Variants in CADM2 observed in about 807,000 individuals in gnomAD.
CADM2 encodes the protein cell adhesion molecule 2, also known as immunoglobulin superfamily member 4D.
A neutral mutation model predicts 49.8 loss-of-function variants in CADM2; 12 were observed. The ratio of observed to expected loss-of-function variants is 0.24; its 90% CI spans 0.15 to 0.39. CADM2 has a LOEUF of 0.39. Among genes scored for constraint, CADM2 ranks in the 10% least tolerant of loss-of-function variants. The pLI, the probability that CADM2 is intolerant of heterozygous loss-of-function variation, is 1.00. For synonymous variants in CADM2, 214 were observed against 175.4 expected, an observed-to-expected ratio of 1.22 and a Z score of -1.74; for missense variants, 378 against 492.3, an observed-to-expected ratio of 0.77 and a Z score of 2.20.
intron 3 of CADM2, among the ~76,000 whole-genome samples, chr3:85,877,039 C>T (rs1711959086): frequency 6.6e-6 from 1 of 152,028 alleles, no homozygotes; most frequent in South Asian, 2.1e-4. Context: ...TAGAGTTTTA[C>T]TCATTGGTCA....
intron 2 of CADM2, among the ~76,000 whole-genome samples, chr3:85,747,619 G>A (rs1229533758): frequency 1.3e-5 from 2 of 152,032 alleles, no homozygotes; most frequent in Non-Finnish European, 2.9e-5. Context: ...TGATGTTCTG[G>A]TGCCTTATAA....
rs373415882 is a variant in CADM2 at position 84,974,428 on chromosome 3, T to G, written c.61+14760T>G. ...ACTTTAATTCAAGTAAATGCAGTCT[T>G]GCAGGTGATAAATGGCTAGAGTATA... is the stretch of plus-strand genomic sequence containing the variant. On this transcript the variant is annotated intron_variant, in intron 1 of 9. Coordinates refer to ENST00000383699, the MANE Select transcript of CADM2 (RefSeq NM_001167675.2). Among the ~76,000 whole-genome samples, 15 of 152,178 alleles carry G rather than the reference T, an allele frequency of 9.9e-5. No individual in the cohort carries two copies. The South Asian group carries it at 2.5e-3, about 25-fold the overall frequency.
chr3:85,073,621 G>T (rs553168399), intron 1 of CADM2, among the ~76,000 whole-genome samples: 16 of 152,032 alleles, frequency 1.1e-4, no homozygotes, highest in Non-Finnish European at 2.1e-4. Flanking sequence ...ACCTGTGGTG[G>T]TATATTTTCT....
chr3:85,381,709 T>G (rs1310575291), intron 1 of CADM2, among the ~76,000 whole-genome samples: 1 of 151,972 alleles, frequency 6.6e-6, no homozygotes, highest in Non-Finnish European at 1.5e-5. Context: ...CTAAAAATAT[T>G]GAGCTCCTCA....
rs1470248386 is a variant in CADM2, at chr3:85,059,310, T to A, written c.61+99642T>A. 2.3e-4 allele frequency among the ~76,000 whole-genome samples: 32 copies of A among 139,044 alleles called. No individual in the cohort carries two copies. In the Admixed American group the frequency reaches 2.6e-3, roughly 11 times the overall value. 91.2% of individuals were successfully genotyped at this position (139,044 alleles called of 152,430 possible). A position where few individuals can be genotyped will look rare whatever the true frequency, so the allele number is the denominator to read the frequency against. ...GGTAGCCTGTTAAAGATCTAGCAAA[T>A]AAAAAAATAAAAAAAAAAACAACTA... On this transcript the variant is annotated intron_variant, in intron 1 of 9. Transcript: ENST00000383699.
At chr3:85,229,682 C>T (rs1057335019) in intron 1 of CADM2, among the ~76,000 whole-genome samples, 1 of 152,096 alleles carries the variant, frequency 6.6e-6, no homozygotes, top group Non-Finnish European at 1.5e-5. Context: ...AGATTAATAA[C>T]AAGGATTGAT....
At chr3:85,725,189 A>T (rs922585356) in intron 1 of CADM2, among the ~76,000 whole-genome samples, 20 of 151,924 alleles carry the variant, frequency 1.3e-4, no homozygotes, top group Admixed American at 9.2e-4. Flanking sequence ...ATTATTTTAA[A>T]ACTAGGATGT....
At chr3:85,566,980 T>G (rs955836475) in intron 1 of CADM2, among the ~76,000 whole-genome samples, 2 of 152,192 alleles carry the variant, frequency 1.3e-5, no homozygotes, top group Non-Finnish European at 2.9e-5. Flanking sequence ...TCTAGAAAGC[T>G]TATAACCAAT....
chr3:85,900,537 T>G (rs1423848627), intron 5 of CADM2, among the ~76,000 whole-genome samples: 1 of 152,194 alleles, frequency 6.6e-6, no homozygotes, highest in African/African-American at 2.4e-5. Flanking sequence ...AAACATTTTT[T>G]TTAAATTTTT....
chr3:85,924,045 TC>T (rs2108510069), intron 6 of CADM2, among the ~76,000 whole-genome samples: 1 of 152,266 alleles, frequency 6.6e-6, no homozygotes, highest in Non-Finnish European at 1.5e-5. Flanking sequence ...TAGCAAGATT[TC>T]TCATAATAAA....
intron 1 of CADM2, among the ~76,000 whole-genome samples, chr3:85,104,096 G>A (rs1045836053): frequency 2.0e-4 from 31 of 151,684 alleles, no homozygotes; most frequent in Non-Finnish European, 3.7e-4. Flanking sequence ...CATTGCTTTT[G>A]GTGTTTTAGA....
intron 8 of CADM2, among the ~76,000 whole-genome samples, chr3:86,009,382 A>G (rs1731214341): frequency 6.6e-6 from 1 of 151,372 alleles, no homozygotes. Context: ...TTAAGGGAGG[A>G]AAATCTGTTT....
intron 2 of CADM2, among the ~76,000 whole-genome samples, chr3:85,752,966 G>A (rs1362580304): frequency 6.6e-6 from 1 of 152,106 alleles, no homozygotes. Context: ...GGTTTGCCAT[G>A]GTGAATTTTT....
In CADM2 at chr3:85,965,291, T is replaced by A. The variant is rs531797505; in HGVS notation, c.970+3644T>A. 9.8e-3 allele frequency among the ~76,000 whole-genome samples: 1,439 copies of A among 146,538 alleles called. 19 individuals carry two copies. The highest frequency in any genetic ancestry group is 0.032 in the African/African-American group (1,310 of 40,320). Reference sequence around the variant, plus strand: ...TATAAATATAAATAATCATAATAAATATTTAAATATAAATATTATGATAAA... The same window carrying A: ...TATAAATATAAATAATCATAATAAAAATTTAAATATAAATATTATGATAAA... On this transcript the variant is annotated intron_variant, in intron 8 of 9. Coordinates refer to ENST00000383699, the MANE Select transcript of CADM2 (RefSeq NM_001167675.2).
rs532480445 is a variant in CADM2, at chr3:85,521,603, T to C, written c.62-204919T>C. On this transcript the variant is annotated intron_variant, in intron 1 of 9. Coordinates refer to ENST00000383699, the MANE Select transcript of CADM2 (RefSeq NM_001167675.2). ...AAAAGTAATTAAAGATTAACAAAAG[T>C]AAGCAAAATGGATTTTTAAAGCCCC... 3.9e-5 allele frequency among the ~76,000 whole-genome samples: 6 copies of C among 152,274 alleles called. No homozygotes were observed. The South Asian group carries it at 1.2e-3, about 32-fold the overall frequency.
chr3:85,417,762 C>G (rs1262028414), intron 1 of CADM2, among the ~76,000 whole-genome samples: 1 of 152,100 alleles, frequency 6.6e-6, no homozygotes, highest in African/African-American at 2.4e-5. Flanking sequence ...CTTCTGAACT[C>G]CCTTAAACTC....
intron 1 of CADM2, among the ~76,000 whole-genome samples, chr3:85,656,009 A>T (rs1445878110): frequency 6.6e-6 from 1 of 151,432 alleles, no homozygotes; most frequent in Non-Finnish European, 1.5e-5. Flanking sequence ...ATCCTAATTT[A>T]AGCTCTTTGT....
chr3:85,637,558 C>T (rs1161144991), intron 1 of CADM2, among the ~76,000 whole-genome samples: 1 of 143,624 alleles, frequency 7.0e-6, no homozygotes, highest in African/African-American at 2.6e-5. Context: ...GCCGAGATTG[C>T]GCCACTGCAG....
chr3:85,480,648 G>A (rs543604738), intron 1 of CADM2, among the ~76,000 whole-genome samples: 75 of 151,762 alleles, frequency 4.9e-4, no homozygotes, highest in Non-Finnish European at 9.4e-4. Context: ...CCTGTTAACC[G>A]CTATCCATAG....
Sources: gnomAD v4.1 joint callset for allele counts (sites outside exome capture counted in the v4.1 genomes callset) on GRCh38, gnomAD v4.1.1 for gene constraint, MANE v1.5 for transcripts, NCBI Gene and HGNC (gene_info 2026-07-23, HGNC 2026-07-21) for gene names.